Variants in C6orf132 observed in about 807,000 individuals in gnomAD.
C6orf132 encodes the protein chromosome 6 open reading frame 132, also known as uncharacterized protein C6orf132.
A neutral mutation model predicts 65.3 loss-of-function variants in C6orf132; 43 were observed. The ratio of observed to expected loss-of-function variants is 0.66; its 90% CI spans 0.52 to 0.85. The LOEUF is 0.85. Among genes scored for constraint, C6orf132 ranks in the 40% least tolerant of loss-of-function variants. The probability of loss-of-function intolerance (pLI) is 0.00; values close to 1 mark genes in which losing one functional copy is unlikely to be tolerated. For synonymous variants in C6orf132, 631 were observed against 654.1 expected (o/e 0.96, Z 0.54); for missense variants, 1,488 against 1,548.8 (o/e 0.96, Z 0.66).
Position 42,136,915 on chromosome 6 carries a change from G to C in C6orf132, c.145+5385C>G, listed in dbSNP as rs112675023. 3.0e-3 allele frequency among the ~76,000 whole-genome samples: 456 copies of C among 152,314 alleles called. 3 individuals carry two copies. The highest frequency in any genetic ancestry group is 0.01 in the African/African-American group (433 of 41,562). ...CCCCAGCCCTGCAGGTGGGACTAAG[G>C]GGGAGGAGCAGAGTGAACAGGGCCC... On this transcript the variant is annotated intron_variant, in intron 1 of 4. Transcript: ENST00000341865.
At chr6:42,130,564 C>T (rs1328359984) in intron 1 of C6orf132, among the ~76,000 whole-genome samples, 19 of 152,040 alleles carry the variant, frequency 1.2e-4, no homozygotes, top group East Asian at 7.7e-4. Flanking sequence ...ACGACAGCCA[C>T]GCTCCTAGGC....
In C6orf132 at chr6:42,142,376, G is replaced by A; in HGVS notation, c.69C>T (p.Pro23=). The A allele has an allele frequency of 6.4e-7, 1 of 1,551,528 alleles. No individual in the cohort carries two copies. Among genetic ancestry groups the A allele is most frequent in the South Asian group, 1.2e-5 (1 of 84,050 alleles). Residue 23 remains proline (P), a synonymous_variant, in exon 1 of 5, where the codon CCC becomes CCT. Coordinates refer to ENST00000341865, the MANE Select transcript of C6orf132 (RefSeq NM_001164446.3). The part of the protein sequence containing the change: ...KLFGKKHTTT[P]STSLYATNPP... The stretch of plus-strand genomic sequence containing the variant: ...GATTGGTGGCGTAGAGGGAGGTGCT[G>A]GGGGTCGTGGTGTGCTTCTTCCCGA...
chr6:42,103,111 A>G lies in C6orf132; in HGVS notation c.*650T>C. 2.5e-6 allele frequency: 1 copy of G among 398,738 alleles called. No homozygotes were observed. The highest frequency in any genetic ancestry group is 4.4e-6 in the Non-Finnish European group (1 of 226,128). 24.7% of individuals were successfully genotyped at this position (398,738 alleles called of 1,614,324 possible). ...AATCTCCCACCTCTGCCCTTGGCCAATGCAAAGGGCTTCCATTCCACATGT... is the reference window on the plus strand; with the variant it reads ...AATCTCCCACCTCTGCCCTTGGCCAGTGCAAAGGGCTTCCATTCCACATGT... On this transcript the variant is annotated 3_prime_UTR_variant, in exon 5 of 5. Coordinates refer to ENST00000341865, the MANE Select transcript of C6orf132 (RefSeq NM_001164446.3).
rs149908938 is a variant in C6orf132 at position 42,135,389 on chromosome 6, C to T, written c.146-6611G>A. ...AACAGGCAGACCTGGCTCTCTCAGC[C>T]TGGGCTGGGGTACGTGTTAAATGTG... On this transcript the variant is annotated intron_variant, in intron 1 of 4. Transcript: ENST00000341865. 4.9e-3 allele frequency among the ~76,000 whole-genome samples: 745 copies of T among 152,316 alleles called. 8 individuals carry two copies. The highest frequency in any genetic ancestry group is 0.017 in the African/African-American group (692 of 41,570).
intron 2 of C6orf132, among the ~76,000 whole-genome samples, chr6:42,114,150 C>T (rs1562035779): frequency 6.6e-6 from 1 of 152,082 alleles, no homozygotes; most frequent in Non-Finnish European, 1.5e-5. Flanking sequence ...CATTAGACTC[C>T]CAAGACCACA....
chr6:42,105,502 T>C lies in C6orf132; in HGVS notation c.2410A>G (p.Lys804Glu). 6.5e-7 allele frequency: 1 copy of C among 1,533,020 alleles called. No homozygotes were observed. Among genetic ancestry groups the C allele is most frequent in the East Asian group, 2.5e-5 (1 of 40,814 alleles). 95.0% of individuals were successfully genotyped at this position (1,533,020 alleles called of 1,614,324 possible). A position where few individuals can be genotyped will look rare whatever the true frequency, so the allele number is the denominator to read the frequency against. ...TTGGCTGGCAGCCCTGGGGGCTCCT[T>C]CACCTCCACGGGCTCCCCTGGCCCT... is the stretch of plus-strand genomic sequence containing the variant. ...AAGPGEPVEV[K>E]EPPGLPAKPP... Residue 804 changes from lysine to glutamate, a missense_variant, in exon 4 of 5, where the codon AAG becomes GAG. Lys to Glu is a moderately conservative substitution (Grantham distance 56). Transcript: ENST00000341865.
Position 42,120,659 on chromosome 6 carries a change from G to A in C6orf132, c.252+8013C>T, listed in dbSNP as rs149510867. ...TTTTTGTTTTTTGAGACGGAGTCTC[G>A]CTCTGTCACCCAGGCTGGAGTGCAC... On this transcript the variant is annotated intron_variant, in intron 2 of 4. Coordinates refer to ENST00000341865, the MANE Select transcript of C6orf132 (RefSeq NM_001164446.3). Among the ~76,000 whole-genome samples the A allele has an allele frequency of 1.7e-3, 252 of 151,628 alleles. 1 individual carries two copies. Among genetic ancestry groups the A allele is most frequent in the Non-Finnish European group, 2.6e-3 (177 of 67,944 alleles).
In C6orf132 at chr6:42,124,925, G is replaced by C. The variant is rs1412728522; in HGVS notation, c.252+3747C>G. ...TGACCTGAGTGAGGAGCACAGAAGA[G>C]TCCCTGTGATGTGGGCCACTGGGCC... On this transcript the variant is annotated intron_variant, in intron 2 of 4. Coordinates refer to ENST00000341865, the MANE Select transcript of C6orf132 (RefSeq NM_001164446.3). This position sits in a 1 kb window ranked among gnomAD's most constrained non-coding sequence, Gnocchi z 4.0. Among the ~76,000 whole-genome samples the C allele has an allele frequency of 6.6e-6, 1 of 152,232 alleles. No individual in the cohort carries two copies. Among genetic ancestry groups the C allele is most frequent in the Non-Finnish European group, 1.5e-5 (1 of 68,052 alleles).
rs1767059022 is a variant in C6orf132, at chr6:42,142,590, G to C, written c.-146C>G. ...TCCCCGCCCGCGCACCGGGCAACAG[G>C]TGCTGCGGGCGCCGCCGCTTGCCGG... On this transcript the variant is annotated 5_prime_UTR_variant, in exon 1 of 5. Coordinates refer to ENST00000341865, the MANE Select transcript of C6orf132 (RefSeq NM_001164446.3). 1.5e-6 allele frequency: 1 copy of C among 674,400 alleles called. No individual in the cohort carries two copies. The highest frequency in any genetic ancestry group is 2.2e-6 in the Non-Finnish European group (1 of 463,016). 41.8% of individuals were successfully genotyped at this position (674,400 alleles called of 1,614,324 possible). A position where few individuals can be genotyped will look rare whatever the true frequency, so the allele number is the denominator to read the frequency against.
chr6:42,110,016 G>A (rs761147493), intron 3 of C6orf132, among the ~76,000 whole-genome samples, 200 bp downstream of exon 3: 39 of 152,258 alleles, frequency 2.6e-4, no homozygotes, highest in South Asian at 4.1e-4. Flanking sequence ...TTCACTGACC[G>A]TGGCTCTCCT....
intron 1 of C6orf132, among the ~76,000 whole-genome samples, chr6:42,133,016 G>C (rs1174290945): frequency 6.6e-6 from 1 of 152,150 alleles, no homozygotes; most frequent in Non-Finnish European, 1.5e-5. Context: ...GATCCTCAAA[G>C]CATTCAAGGT....
intron 1 of C6orf132, among the ~76,000 whole-genome samples, chr6:42,131,440 A>C (rs1766851919): frequency 6.6e-6 from 1 of 152,250 alleles, no homozygotes. Context: ...ACAGATGAGG[A>C]AACTGAGGCA....
chr6:42,121,128 G>A (rs1766677085), intron 2 of C6orf132, among the ~76,000 whole-genome samples: 2 of 152,156 alleles, frequency 1.3e-5, no homozygotes, highest in Non-Finnish European at 2.9e-5. Context: ...ACCTCCCTTA[G>A]GTTTGCTGTG....
At chr6:42,137,947 G>A (rs1225543794) in intron 1 of C6orf132, among the ~76,000 whole-genome samples, 4 of 152,160 alleles carry the variant, frequency 2.6e-5, no homozygotes, top group Non-Finnish European at 5.9e-5. Flanking sequence ...GGTGGCGCAG[G>A]CCGGGGAGGC....
In C6orf132 at chr6:42,142,459, C is replaced by T; in HGVS notation, c.-15G>A. ...TTCTTTTTCATGCTGCCGCAGCCCG[C>T]GCGGGCGCCAGGGAAGGACCTTCCC... On this transcript the variant is annotated 5_prime_UTR_variant, in exon 1 of 5. Coordinates refer to ENST00000341865, the MANE Select transcript of C6orf132 (RefSeq NM_001164446.3). 6.5e-7 allele frequency: 1 copy of T among 1,548,840 alleles called. No individual in the cohort carries two copies. The highest frequency in any genetic ancestry group is 1.2e-5 in the South Asian group (1 of 83,918).
intron 2 of C6orf132, among the ~76,000 whole-genome samples, chr6:42,120,468 G>C (rs982414251): frequency 4.6e-5 from 7 of 151,546 alleles, no homozygotes; most frequent in Non-Finnish European, 8.8e-5. Flanking sequence ...GGATGGTCTC[G>C]ATCTCCTGAC....
Position 42,135,912 on chromosome 6 carries a change from T to C in C6orf132, c.145+6388A>G, listed in dbSNP as rs527439927. 3.9e-5 allele frequency among the ~76,000 whole-genome samples: 6 copies of C among 152,220 alleles called. No individual in the cohort carries two copies. The South Asian group carries it at 1.2e-3, about 32-fold the overall frequency. On this transcript the variant is annotated intron_variant, in intron 1 of 4. Coordinates refer to ENST00000341865, the MANE Select transcript of C6orf132 (RefSeq NM_001164446.3). Reference sequence around the variant, plus strand: ...CAGGCCAGGCAACATGACTCTAGACTCTGATTCCCTCATGTCATAGCCAGC... The same window carrying C: ...CAGGCCAGGCAACATGACTCTAGACCCTGATTCCCTCATGTCATAGCCAGC...
At chr6:42,140,195 G>A (rs115804621) in intron 1 of C6orf132, among the ~76,000 whole-genome samples, 3,037 of 152,376 alleles carry the variant, frequency 0.02, 97 homozygotes, top group African/African-American at 0.068. Flanking sequence ...TGAGGAACGG[G>A]AGGAGCTGTC....
rs1766391349 is a variant in C6orf132 at position 42,105,775 on chromosome 6, G to T, written c.2137C>A (p.Pro713Thr). 6.5e-7 allele frequency: 1 copy of T among 1,537,222 alleles called. No homozygotes were observed. Among genetic ancestry groups the T allele is most frequent in the African/African-American group, 1.4e-5 (1 of 73,070 alleles). Residue 713 changes from proline (P) to threonine (T), a missense_variant, in exon 4 of 5, where the codon CCA (proline) becomes ACA (threonine). Pro to Thr is a conservative substitution (Grantham distance 38). Coordinates refer to ENST00000341865, the MANE Select transcript of C6orf132 (RefSeq NM_001164446.3). ...GCTGGCTTCTCTGGCTGGCCAGCTG[G>T]GCCTGAGTCCTTCTCTGCCATCAGT... ...SQLMAEKDSG[P>T]AGQPEKPASQ...
Sources: gnomAD v4.1 joint callset for allele counts (sites outside exome capture counted in the v4.1 genomes callset) on GRCh38, gnomAD v4.1.1 for gene constraint, Gnocchi (gnomAD v3.1) non-coding constraint, MANE v1.5 for transcripts, NCBI Gene and HGNC (gene_info 2026-07-23, HGNC 2026-07-21) for gene names.